ANXA2: variants seen among roughly 807,000 people sequenced by gnomAD.
ANXA2 encodes annexin A2, also known as annexin II.
In ANXA2, 28 loss-of-function variants were observed where a neutral mutation model predicts 47.3. That is an observed-to-expected ratio of 0.59 (90% confidence interval 0.44 to 0.81). The LOEUF (loss-of-function observed/expected upper bound fraction) is 0.81. Among genes scored for constraint, ANXA2 ranks in the 40% least tolerant of loss-of-function variants. The probability of loss-of-function intolerance (pLI) is 0.00; values close to 1 mark genes in which losing one functional copy is unlikely to be tolerated. For missense variants in ANXA2, 384 were observed against 414.3 expected, an observed-to-expected ratio of 0.93 and a Z score of 0.64; for synonymous variants, 172 against 155.5, an observed-to-expected ratio of 1.11 and a Z score of -0.79.
Position 60,347,291 on chromosome 15 carries a change from T to A in ANXA2, c.*339A>T, listed in dbSNP as rs1215795827. ...CAGCTGAACCCCAAGCACGTTTAAT[T>A]TTCAAACAATTCAGTTGAAAGCAGG... On this transcript the variant is annotated 3_prime_UTR_variant, in exon 13 of 13. Coordinates refer to ENST00000451270, the MANE Select transcript of ANXA2 (RefSeq NM_004039.3). 3.1e-5 allele frequency: 10 copies of A among 319,074 alleles called. No individual in the cohort carries two copies. Among genetic ancestry groups the A allele is most frequent in the Non-Finnish European group, 5.8e-5 (10 of 171,122 alleles). The allele number at this position is 319,074 out of a possible 1,614,324, so 19.8% of individuals were successfully genotyped here.
At chr15:60,380,869 C>T (rs2062848963) in intron 3 of ANXA2, among the ~76,000 whole-genome samples, 1 of 150,982 alleles carries the variant, frequency 6.6e-6, no homozygotes, top group Non-Finnish European at 1.5e-5. Context: ...CATTATTCTG[C>T]CCTCAGCTGT....
intron 8 of ANXA2, 75 bp downstream of exon 8, chr15:60,354,079 G>A: frequency 8.5e-7 from 1 of 1,178,492 alleles, no homozygotes; most frequent in South Asian, 1.4e-5. Flanking sequence ...TTGTCACACA[G>A]AGTTAAATTA....
chr15:60,362,249 T>A (rs149335965), intron 4 of ANXA2, among the ~76,000 whole-genome samples: 1 of 152,280 alleles, frequency 6.6e-6, no homozygotes, highest in East Asian at 1.9e-4. Context: ...AGCCTACCCT[T>A]GACACTCCCC....
intron 1 of ANXA2, chr15:60,393,190 T>C: frequency 8.2e-7 from 1 of 1,215,678 alleles, no homozygotes; most frequent in Non-Finnish European, 1.0e-6. Context: ...CTCCAGCTTG[T>C]CTCTTCTGTG....
chr15:60,351,412 G>T, intron 10 of ANXA2, 161 bp from the exon 11 acceptor site: 1 of 716,782 alleles, frequency 1.4e-6, no homozygotes, highest in Non-Finnish European at 2.3e-6. Flanking sequence ...GAAATCCTCT[G>T]CAATACTAAG....
Position 60,382,445 on chromosome 15 carries a change from A to T in ANXA2, c.49-4T>A, listed in dbSNP as rs2062875451. On this transcript the variant is annotated splice_region_variant and splice_polypyrimidine_tract_variant and intron_variant, in intron 2 of 12. Transcript: ENST00000451270. ...ATGCACTTGGGGGTGTAGAGTGCTGAGGTTAAAAGATAAACATACTCAAAT... is the reference window on the plus strand; with the variant it reads ...ATGCACTTGGGGGTGTAGAGTGCTGTGGTTAAAAGATAAACATACTCAAAT... 1.3e-6 allele frequency: 2 copies of T among 1,596,890 alleles called. No homozygotes were observed. The highest frequency in any genetic ancestry group is 1.7e-6 in the Non-Finnish European group (2 of 1,165,410).
intron 3 of ANXA2, among the ~76,000 whole-genome samples, chr15:60,367,126 T>A (rs1444076474): frequency 2.4e-5 from 1 of 41,430 alleles, no homozygotes; most frequent in Non-Finnish European, 4.5e-5. Flanking sequence ...GGTGGGGGGG[T>A]CAGCCCCCCG....
intron 3 of ANXA2, among the ~76,000 whole-genome samples, chr15:60,381,463 A>G (rs1456073481): frequency 6.6e-6 from 1 of 152,204 alleles, no homozygotes; most frequent in Non-Finnish European, 1.5e-5. Flanking sequence ...GGATTGCTTA[A>G]TTAATATAAG....
intron 6 of ANXA2, among the ~76,000 whole-genome samples, chr15:60,356,930 G>A (rs756328462): frequency 1.6e-4 from 24 of 152,204 alleles, no homozygotes; most frequent in Non-Finnish European, 3.4e-4. Flanking sequence ...TTCTAACACA[G>A]AAGTTCTAGT....
intron 5 of ANXA2, among the ~76,000 whole-genome samples, chr15:60,358,233 G>A (rs535682361): frequency 1.3e-5 from 2 of 152,258 alleles, no homozygotes; most frequent in South Asian, 4.1e-4. Context: ...ACTTTATTAA[G>A]GAATAAGAAT....
intron 1 of ANXA2, among the ~76,000 whole-genome samples, chr15:60,389,687 A>G (rs888191654): frequency 5.3e-5 from 8 of 152,228 alleles, no homozygotes; most frequent in African/African-American, 1.9e-4. Context: ...ATCATTTGAC[A>G]TCATTCAAAA....
chr15:60,386,251 A>C (rs2062932038), intron 1 of ANXA2, 165 bp from the exon 2 acceptor site: 12 of 601,392 alleles, frequency 2.0e-5, no homozygotes, highest in Non-Finnish European at 3.0e-5. Context: ...GTAAAAACTA[A>C]ACCTCAGAGA....
At chr15:60,356,757 G>C (rs1396470953) in intron 6 of ANXA2, among the ~76,000 whole-genome samples, 1 of 152,190 alleles carries the variant, frequency 6.6e-6, no homozygotes, top group African/African-American at 2.4e-5. Context: ...GTCTCTTGCT[G>C]TAATTCTTCA....
rs1237001366 is a variant in ANXA2, at chr15:60,381,323, C to T, written c.148+1019G>A. ...CAGCAGCTCTAATTGTGCTGGGTCA[C>T]GTCTGCATCCCAATCTGGCCTCATG... On this transcript the variant is annotated intron_variant, in intron 3 of 12. Coordinates refer to ENST00000451270, the MANE Select transcript of ANXA2 (RefSeq NM_004039.3). Among the ~76,000 whole-genome samples the T allele has an allele frequency of 7.2e-5, 11 of 152,210 alleles. No individual in the cohort carries two copies. In the East Asian group the frequency reaches 1.9e-3, roughly 27 times the overall value.
chr15:60,358,799 C>G (rs12441357), intron 5 of ANXA2, among the ~76,000 whole-genome samples: 14,446 of 152,242 alleles, frequency 0.095, 957 homozygotes, highest in Admixed American at 0.16. Flanking sequence ...GAAATATAGT[C>G]TAAAAATAAC....
chr15:60,373,545 G>A (rs985054519), intron 3 of ANXA2, among the ~76,000 whole-genome samples: 2 of 152,182 alleles, frequency 1.3e-5, no homozygotes, highest in Admixed American at 1.3e-4. Context: ...GCACAAGCGA[G>A]CACTGTGTCT....
chr15:60,377,533 A>G (rs925437878), intron 3 of ANXA2, among the ~76,000 whole-genome samples: 2 of 152,220 alleles, frequency 1.3e-5, no homozygotes, highest in African/African-American at 2.4e-5. Context: ...AAGTCACACA[A>G]TTTGGTTTCC....
chr15:60,352,537 G>C lies in ANXA2; in HGVS notation c.589-61C>G. On this transcript the variant is annotated intron_variant, in intron 8 of 12. Coordinates refer to ENST00000451270, the MANE Select transcript of ANXA2 (RefSeq NM_004039.3). This position sits in a 1 kb window ranked among gnomAD's most constrained non-coding sequence, Gnocchi z 4.2. ...CATCCAATGTAACGTCAAAAAAAATGTCATGCAAAAAAAACAAAAAAAGCT... is the reference window on the plus strand; with the variant it reads ...CATCCAATGTAACGTCAAAAAAAATCTCATGCAAAAAAAACAAAAAAAGCT... 2 of 1,266,166 alleles carry C rather than the reference G, an allele frequency of 1.6e-6. No individual in the cohort carries two copies. The highest frequency in any genetic ancestry group is 2.3e-6 in the Non-Finnish European group (2 of 888,596). 78.4% of individuals were successfully genotyped at this position (1,266,166 alleles called of 1,614,324 possible).
At chr15:60,395,899 A>G (rs1040440255) in intron 1 of ANXA2, 6 of 152,172 alleles carry the variant, frequency 3.9e-5, no homozygotes, top group Admixed American at 3.3e-4. Flanking sequence ...TTTTGGACAA[A>G]CCCTTGACCT....
Sources: gnomAD v4.1 joint callset for allele counts (sites outside exome capture counted in the v4.1 genomes callset) on GRCh38, gnomAD v4.1.1 for gene constraint, Gnocchi (gnomAD v3.1) non-coding constraint, MANE v1.5 for transcripts, NCBI Gene and HGNC (gene_info 2026-07-23, HGNC 2026-07-21) for gene names.